KIRREL3: variants seen among roughly 807,000 people sequenced by gnomAD.
KIRREL3 encodes the protein kirre like nephrin family adhesion molecule 3, also known as kin of IRRE-like protein 3.
KIRREL3 carries 36 observed loss-of-function variants against 89.7 expected under a neutral mutation model. The ratio of observed to expected loss-of-function variants is 0.40; its 90% CI spans 0.31 to 0.53. KIRREL3 has a LOEUF of 0.53. Ranked by LOEUF, KIRREL3 falls within the 20% of genes least tolerant of loss-of-function variation. The probability of loss-of-function intolerance (pLI) is 0.49; values close to 1 mark genes in which losing one functional copy is unlikely to be tolerated. For missense variants in KIRREL3, 864 were observed against 1,056.6 expected (o/e 0.82, Z 2.53); for synonymous variants, 445 against 441.4 (o/e 1.01, Z -0.10).
At chr11:127,001,470 G>A (rs1376265565), upstream of KIRREL3, among the ~76,000 whole-genome samples, 2 of 152,030 alleles carry the variant, frequency 1.3e-5, no homozygotes, top group Non-Finnish European at 1.5e-5. Flanking sequence ...ATTTCCTAAC[G>A]AGGACAGGGG....
intron 5 of KIRREL3, among the ~76,000 whole-genome samples, chr11:126,472,283 G>A (rs117348645): frequency 4.6e-4 from 70 of 152,198 alleles, no homozygotes; most frequent in East Asian, 4.4e-3. Context: ...TAAACTGGGC[G>A]GCTTATAAAC....
At chr11:126,638,100 G>A (rs903341411) in intron 1 of KIRREL3, among the ~76,000 whole-genome samples, 18 of 152,336 alleles carry the variant, frequency 1.2e-4, no homozygotes, top group African/African-American at 4.3e-4. Context: ...TCAAATTTTT[G>A]TAGAGCATTG....
chr11:126,861,349 A>G (rs990753189), intron 1 of KIRREL3, among the ~76,000 whole-genome samples: 2 of 152,066 alleles, frequency 1.3e-5, no homozygotes, highest in African/African-American at 4.8e-5. Context: ...AGGAATCAAG[A>G]CCACCCAGTG....
intron 1 of KIRREL3, among the ~76,000 whole-genome samples, chr11:126,850,330 G>T (rs1944300469): frequency 1.3e-5 from 2 of 152,216 alleles, no homozygotes; most frequent in Non-Finnish European, 2.9e-5. Context: ...CACCACAGTT[G>T]TTGTGGTGGG....
At position 126,462,405 on chromosome 11, in the gene KIRREL3, C is replaced by A. The variant is rs997545858; in HGVS notation, c.742+752G>T. Among the ~76,000 whole-genome samples the A allele has an allele frequency of 1.1e-4, 17 of 152,226 alleles. No individual in the cohort carries two copies. Among genetic ancestry groups the A allele is most frequent in the Admixed American group, 3.9e-4 (6 of 15,282 alleles). The stretch of plus-strand genomic sequence containing the variant: ...TAAGGCCAGGCGAAGTGGCTCACAT[C>A]TGTAATCCCAGCACTTTAGGAGGCC... On this transcript the variant is annotated intron_variant, in intron 6 of 16. Coordinates refer to ENST00000525144, the MANE Select transcript of KIRREL3 (RefSeq NM_032531.4). This position sits in a 1 kb window ranked among gnomAD's most constrained non-coding sequence, Gnocchi z 4.8.
chr11:126,946,278 TCTG>T lies in KIRREL3; in HGVS notation c.55+54174_55+54176del, dbSNP rs1489073990. 1.3e-5 allele frequency among the ~76,000 whole-genome samples: 2 copies of T among 152,196 alleles called. No homozygotes were observed. Among genetic ancestry groups the T allele is most frequent in the Non-Finnish European group, 2.9e-5 (2 of 68,036 alleles). Reference sequence around the variant, plus strand: ...ATGCCCCAGACTGCGGCCTCCAGACTCTGCTACTAGCCAGCCACTCTTGTCATC... The same window carrying T: ...ATGCCCCAGACTGCGGCCTCCAGACTCTACTAGCCAGCCACTCTTGTCATC... On this transcript the variant is annotated intron_variant, in intron 1 of 16. Coordinates refer to ENST00000525144, the MANE Select transcript of KIRREL3 (RefSeq NM_032531.4). The surrounding 1 kb of genome is among the most constrained non-coding windows in gnomAD (Gnocchi z 4.1).
chr11:126,869,186 C>G (rs1285018159), intron 1 of KIRREL3, among the ~76,000 whole-genome samples: 2 of 136,070 alleles, frequency 1.5e-5, no homozygotes, highest in Non-Finnish European at 3.1e-5. Context: ...CCTAGCAGGA[C>G]ATGGCAGAAT....
At chr11:126,732,697 A>G (rs1948668460) in intron 1 of KIRREL3, among the ~76,000 whole-genome samples, 1 of 152,212 alleles carries the variant, frequency 6.6e-6, no homozygotes, top group African/African-American at 2.4e-5. Flanking sequence ...CATCTGAGAA[A>G]ACATGGAGAA....
At chr11:126,510,552 C>T (rs1218753603) in intron 4 of KIRREL3, among the ~76,000 whole-genome samples, 3 of 151,652 alleles carry the variant, frequency 2.0e-5, no homozygotes, top group African/African-American at 7.3e-5. Context: ...CTGCCTCAGC[C>T]TCTCAAAGTG....
chr11:126,800,380 T>C (rs987430695), intron 1 of KIRREL3, among the ~76,000 whole-genome samples: 1 of 152,096 alleles, frequency 6.6e-6, no homozygotes, highest in Non-Finnish European at 1.5e-5. Context: ...AAGCTGGAGC[T>C]TGCATTGTGA....
chr11:126,425,593 G>T (rs1954909483), intron 16 of KIRREL3, 45 bp downstream of exon 16: 1 of 1,476,290 alleles, frequency 6.8e-7, no homozygotes, highest in South Asian at 1.2e-5. Context: ...CAGAGCTAAA[G>T]ACCAGATTCC....
chr11:126,885,429 C>G (rs934735187), intron 1 of KIRREL3, among the ~76,000 whole-genome samples: 2 of 152,174 alleles, frequency 1.3e-5, no homozygotes, highest in African/African-American at 4.8e-5. Flanking sequence ...GTATGTTTAT[C>G]AAATGCATTT....
chr11:126,708,039 C>A lies in KIRREL3; in HGVS notation c.56-145127G>T, dbSNP rs571331703. Among the ~76,000 whole-genome samples, 4 of 152,130 alleles carry A rather than the reference C, an allele frequency of 2.6e-5. No individual in the cohort carries two copies. Among genetic ancestry groups the A allele is most frequent in the African/African-American group, 9.7e-5 (4 of 41,414 alleles). ...ACAGGCGATTGGCAATACTCCCCTCCGCATCCCTGAAGCAGGTGATGATCT... is the reference window on the plus strand; with the variant it reads ...ACAGGCGATTGGCAATACTCCCCTCAGCATCCCTGAAGCAGGTGATGATCT... On this transcript the variant is annotated intron_variant, in intron 1 of 16. Coordinates refer to ENST00000525144, the MANE Select transcript of KIRREL3 (RefSeq NM_032531.4). This position sits in a 1 kb window ranked among gnomAD's most constrained non-coding sequence, Gnocchi z 5.7.
intron 1 of KIRREL3, among the ~76,000 whole-genome samples, chr11:126,688,447 C>A (rs1946749521): frequency 6.6e-6 from 1 of 152,192 alleles, no homozygotes; most frequent in Non-Finnish European, 1.5e-5. Flanking sequence ...TTGAAGCTAA[C>A]AATGTTTTGG....
In KIRREL3 at chr11:126,983,629, G is replaced by A. The variant is rs989983579; in HGVS notation, c.55+16826C>T. On this transcript the variant is annotated intron_variant, in intron 1 of 16. Coordinates refer to ENST00000525144, the MANE Select transcript of KIRREL3 (RefSeq NM_032531.4). This position sits in a 1 kb window ranked among gnomAD's most constrained non-coding sequence, Gnocchi z 4.9. ...GGAGGAAGGGGCCACGAGCCAAGGA[G>A]TGTAGGCACTCTGCCTCTAGAAGCC... 2.0e-5 allele frequency among the ~76,000 whole-genome samples: 3 copies of A among 152,156 alleles called. No individual in the cohort carries two copies. The highest frequency in any genetic ancestry group is 3.2e-3 in the Middle Eastern group (1 of 316).
chr11:126,536,706 C>T (rs1183188664), intron 2 of KIRREL3, among the ~76,000 whole-genome samples: 6 of 130,128 alleles, frequency 4.6e-5, no homozygotes, highest in South Asian at 2.4e-4. Flanking sequence ...TGCAGTGGTG[C>T]GATCTCGGCT....
At position 126,587,515 on chromosome 11, in the gene KIRREL3, C is replaced by T. The variant is rs748085169; in HGVS notation, c.56-24603G>A. Among the ~76,000 whole-genome samples, 1 of 152,162 alleles carries T rather than the reference C, an allele frequency of 6.6e-6. No homozygotes were observed. Among genetic ancestry groups the T allele is most frequent in the Non-Finnish European group, 1.5e-5 (1 of 68,026 alleles). ...TCTCACCAACCCTGTAGCCTGCAGT[C>T]TTCACTGTGCTCTCGACTCCCCCAG... On this transcript the variant is annotated intron_variant, in intron 1 of 16. Coordinates refer to ENST00000525144, the MANE Select transcript of KIRREL3 (RefSeq NM_032531.4). This position sits in a 1 kb window ranked among gnomAD's most constrained non-coding sequence, Gnocchi z 5.2.
chr11:126,922,781 C>CTAT (rs1260874304), intron 1 of KIRREL3, among the ~76,000 whole-genome samples: 2 of 152,174 alleles, frequency 1.3e-5, no homozygotes, highest in African/African-American at 4.8e-5. Flanking sequence ...AGCAACTGCC[C>CTAT]TATTTTCTCT....
chr11:126,478,348 T>G (rs537599256), intron 4 of KIRREL3, among the ~76,000 whole-genome samples: 4 of 152,318 alleles, frequency 2.6e-5, no homozygotes, highest in African/African-American at 9.6e-5. Context: ...TTATCTATCT[T>G]GGTCATTGTG....
Sources: gnomAD v4.1 joint callset for allele counts (sites outside exome capture counted in the v4.1 genomes callset) on GRCh38, gnomAD v4.1.1 for gene constraint, Gnocchi (gnomAD v3.1) non-coding constraint, MANE v1.5 for transcripts, NCBI Gene and HGNC (gene_info 2026-07-23, HGNC 2026-07-21) for gene names.